MRPL39: variants seen among roughly 807,000 people sequenced by gnomAD.
MRPL39 encodes large ribosomal subunit protein mL39.
Under a neutral mutation model 44.5 loss-of-function variants are expected in MRPL39, and 35 were observed. The observed-to-expected ratio is 0.79, with a 90% CI of 0.60 to 1.04. MRPL39 has a LOEUF of 1.04. MRPL39 is among the 50% of genes least tolerant of loss of function. The probability of loss-of-function intolerance (pLI) is 0.00; values close to 1 mark genes in which losing one functional copy is unlikely to be tolerated. For synonymous variants in MRPL39, 139 were observed against 136.1 expected, an observed-to-expected ratio of 1.02 and a Z score of -0.15; for missense variants, 433 against 413.5, an observed-to-expected ratio of 1.05 and a Z score of -0.41.
At chr21:25,598,497 G>A (rs528672664) in intron 5 of MRPL39, among the ~76,000 whole-genome samples, 56 of 150,804 alleles carry the variant, frequency 3.7e-4, no homozygotes, top group African/African-American at 1.3e-3. Flanking sequence ...CACAGATAAT[G>A]AAAATTAAAT....
intron 8 of MRPL39, among the ~76,000 whole-genome samples, chr21:25,590,149 T>C (rs1024539896): frequency 4.6e-5 from 7 of 152,178 alleles, no homozygotes; most frequent in Admixed American, 1.3e-4. Flanking sequence ...TAGTAGTAGA[T>C]GAGATGTTAT....
At chr21:25,599,987 T>C (rs1289311910) in intron 4 of MRPL39, 121 bp from the exon 5 acceptor site, 1 of 711,012 alleles carries the variant, frequency 1.4e-6, no homozygotes, top group Non-Finnish European at 2.4e-6. Flanking sequence ...ACTCTACAAA[T>C]TATAAAATGG....
At chr21:25,597,686 T>C (rs531563899) in intron 5 of MRPL39, among the ~76,000 whole-genome samples, 57 of 152,304 alleles carry the variant, frequency 3.7e-4, no homozygotes, top group East Asian at 3.1e-3. Context: ...ATCCAAATTA[T>C]ATAATTTCAT....
intron 8 of MRPL39, among the ~76,000 whole-genome samples, chr21:25,590,780 A>T (rs553259754): frequency 1.2e-4 from 18 of 152,180 alleles, no homozygotes; most frequent in Non-Finnish European, 2.5e-4. Flanking sequence ...TATTATCCTA[A>T]CATTAAATGG....
chr21:25,603,682 C>T (rs145584095), intron 3 of MRPL39, 114 bp downstream of exon 3: 236 of 1,113,642 alleles, frequency 2.1e-4, no homozygotes, highest in South Asian at 2.9e-4. Context: ...CTAAAGAGTA[C>T]GATACAACAT....
intron 7 of MRPL39, 71 bp downstream of exon 7, chr21:25,593,822 T>A (rs753035053): frequency 3.1e-5 from 41 of 1,312,308 alleles, no homozygotes; most frequent in Non-Finnish European, 4.1e-5. Context: ...TTTGGTCATA[T>A]GCTTCATTCA....
At chr21:25,587,682 A>T in intron 9 of MRPL39, 1 of 1,548,446 alleles carries the variant, frequency 6.5e-7, no homozygotes, top group Non-Finnish European at 8.9e-7. Context: ...TATATGAATA[A>T]TTATTTGTTA....
At chr21:25,607,258 T>C (rs769406921) in intron 1 of MRPL39, 145 bp downstream of exon 1, 4 of 847,396 alleles carry the variant, frequency 4.7e-6, no homozygotes, top group Non-Finnish European at 7.5e-6. Flanking sequence ...TCCCAAGCTG[T>C]GCAAGAGCGA....
chr21:25,586,616 TTC>T (rs891123028), intron 9 of MRPL39, among the ~76,000 whole-genome samples: 6 of 152,188 alleles, frequency 3.9e-5, no homozygotes, highest in African/African-American at 1.4e-4. Context: ...GCCCCTCATA[TTC>T]TGTTTTTGGA....
chr21:25,588,480 A>G (rs1461894648), intron 9 of MRPL39, among the ~76,000 whole-genome samples: 1 of 152,218 alleles, frequency 6.6e-6, no homozygotes, highest in Non-Finnish European at 1.5e-5. Flanking sequence ...ACACCTGACA[A>G]ATCTTAATCC....
chr21:25,598,538 A>C (rs1368550807), intron 5 of MRPL39, among the ~76,000 whole-genome samples: 1 of 152,082 alleles, frequency 6.6e-6, no homozygotes, highest in Non-Finnish European at 1.5e-5. Flanking sequence ...AACTTGCCCC[A>C]GTAAAAAAAA....
At position 25,601,485 on chromosome 21, in the gene MRPL39, A is replaced by G. The variant is rs376687765; in HGVS notation, c.421-18T>C. 1.2e-5 allele frequency: 17 copies of G among 1,439,370 alleles called. No homozygotes were observed. Among genetic ancestry groups the G allele is most frequent in the Non-Finnish European group, 1.5e-5 (16 of 1,052,078 alleles). The allele number at this position is 1,439,370 out of a possible 1,614,324, so 89.2% of individuals were successfully genotyped here. A position where few individuals can be genotyped will look rare whatever the true frequency, so the allele number is the denominator to read the frequency against. On this transcript the variant is annotated intron_variant, in intron 3 of 9. Transcript: ENST00000352957. Reference sequence around the variant, plus strand: ...CAATATGCCTAGAAAAAAAATATACATATATAAAATATATATAAACACACT... The same window carrying G: ...CAATATGCCTAGAAAAAAAATATACGTATATAAAATATATATAAACACACT...
Position 25,593,941 on chromosome 21 carries a change from A to G in MRPL39, c.719T>C (p.Ile240Thr), listed in dbSNP as rs1029046881. Reference sequence around the variant, plus strand: ...AGGGTTCTGAGATGCCTTCTCTTCTATGAAATCTACTTTGTACCTGAAAAG... The same window carrying G: ...AGGGTTCTGAGATGCCTTCTCTTCTGTGAAATCTACTTTGTACCTGAAAAG... ...FQHSKYKVDF[I>T]EEKASQNPER... Residue 240 changes from isoleucine (I) to threonine (T), a missense_variant, in exon 7 of 10, where the codon ATA becomes ACA. Transcript: ENST00000352957. 4.6e-5 allele frequency: 75 copies of G among 1,613,520 alleles called. No homozygotes were observed. Among genetic ancestry groups the G allele is most frequent in the Non-Finnish European group, 5.8e-5 (69 of 1,179,890 alleles).
intron 2 of MRPL39, among the ~76,000 whole-genome samples, chr21:25,605,676 CAGG>C (rs553502473): frequency 2.4e-4 from 36 of 152,118 alleles, no homozygotes; most frequent in Non-Finnish European, 4.6e-4. Context: ...GAGGCTGAAG[CAGG>C]AGGAGAGCTT....
At chr21:25,605,406 C>T (rs1568867070) in intron 2 of MRPL39, among the ~76,000 whole-genome samples, 1 of 152,106 alleles carries the variant, frequency 6.6e-6, no homozygotes, top group African/African-American at 2.4e-5. Context: ...CATGCACATT[C>T]CCACTCACAC....
Position 25,601,486 on chromosome 21 carries a change from T to C in MRPL39, c.421-19A>G. 7.0e-7 allele frequency: 1 copy of C among 1,438,824 alleles called. No individual in the cohort carries two copies. The highest frequency in any genetic ancestry group is 2.4e-5 in the East Asian group (1 of 40,932). 89.1% of individuals were successfully genotyped at this position (1,438,824 alleles called of 1,614,324 possible). Reference sequence around the variant, plus strand: ...AATATGCCTAGAAAAAAAATATACATATATAAAATATATATAAACACACTG... The same window carrying C: ...AATATGCCTAGAAAAAAAATATACACATATAAAATATATATAAACACACTG... On this transcript the variant is annotated intron_variant, in intron 3 of 9. Transcript: ENST00000352957.
intron 3 of MRPL39, among the ~76,000 whole-genome samples, chr21:25,601,959 G>C (rs1367018903): frequency 6.6e-6 from 1 of 152,144 alleles, no homozygotes; most frequent in Non-Finnish European, 1.5e-5. Context: ...GCAGGAACTG[G>C]GCTTTCATCT....
At chr21:25,593,045 T>C in intron 7 of MRPL39, 80 bp from the exon 8 acceptor site, 1 of 1,260,434 alleles carries the variant, frequency 7.9e-7, no homozygotes, top group East Asian at 2.4e-5. Context: ...CTCTTCCTTC[T>C]CTTTGCTGCT....
chr21:25,597,390 C>A lies in MRPL39; in HGVS notation c.613G>T (p.Asp205Tyr), dbSNP rs1273005118. Reference protein sequence around the residue: ...TKENLRSFTKDAHALIYKDLP... With the variant: ...TKENLRSFTKYAHALIYKDLP... ...TCTTTATAAATTAAAGCATGAGCAT[C>A]TTTTGTGAAGGAACGTAAGTTCTCC... is the stretch of plus-strand genomic sequence containing the variant. Residue 205 changes from aspartate to tyrosine, a missense_variant, in exon 6 of 10, where the codon GAT becomes TAT. Transcript: ENST00000352957. 1 of 1,589,904 alleles carries A rather than the reference C, an allele frequency of 6.3e-7. No individual in the cohort carries two copies. The highest frequency in any genetic ancestry group is 8.6e-7 in the Non-Finnish European group (1 of 1,162,426).
Sources: gnomAD v4.1 joint callset for allele counts (sites outside exome capture counted in the v4.1 genomes callset) on GRCh38, gnomAD v4.1.1 for gene constraint, MANE v1.5 for transcripts, NCBI Gene and HGNC (gene_info 2026-07-23, HGNC 2026-07-21) for gene names.